MPDZ: variants seen among roughly 807,000 people sequenced by gnomAD.
The protein encoded by MPDZ is multiple PDZ domain protein.
MPDZ carries 234 observed loss-of-function variants against 239.1 expected under a neutral mutation model. The ratio of observed to expected loss-of-function variants is 0.98; its 90% CI spans 0.88 to 1.09. The LOEUF (loss-of-function observed/expected upper bound fraction) is 1.09, where lower values mean the gene tolerates loss of function less well. Ranked by LOEUF, MPDZ falls within the 50% of genes least tolerant of loss-of-function variation. MPDZ has a pLI of 0.00. For synonymous variants in MPDZ, 1,048 were observed against 881.3 expected, an observed-to-expected ratio of 1.19 and a Z score of -3.35; for missense variants, 3,175 against 2,510.0, an observed-to-expected ratio of 1.26 and a Z score of -5.66.
At position 13,113,073 on chromosome 9, in the gene MPDZ, T is replaced by A. The variant is rs1314933990; in HGVS notation, c.5558-19A>T. The A allele has an allele frequency of 1.3e-6, 2 of 1,551,348 alleles. No individual in the cohort carries two copies. Among genetic ancestry groups the A allele is most frequent in the Non-Finnish European group, 1.7e-6 (2 of 1,142,998 alleles). The stretch of plus-strand genomic sequence containing the variant: ...GATGCCACTGTAAAGGCAAAAAAGA[T>A]AAAATAGGGTTATTTTATGTTCATT... On this transcript the variant is annotated intron_variant, in intron 41 of 46. Coordinates refer to ENST00000319217, the MANE Select transcript of MPDZ (RefSeq NM_001378778.1).
chr9:13,211,809 T>G lies in MPDZ; in HGVS notation c.1290+4965A>C, dbSNP rs2135926209. Among the ~76,000 whole-genome samples, 4 of 152,232 alleles carry G rather than the reference T, an allele frequency of 2.6e-5. No individual in the cohort carries two copies. The East Asian group carries it at 7.7e-4, about 29-fold the overall frequency. The stretch of plus-strand genomic sequence containing the variant: ...TAGGCAAATATAATATGATGCTATT[T>G]AAGTATAAATACATAGAATTTTTCT... On this transcript the variant is annotated intron_variant, in intron 10 of 46. Coordinates refer to ENST00000319217, the MANE Select transcript of MPDZ (RefSeq NM_001378778.1).
chr9:13,124,984 T>A (rs16930137), intron 35 of MPDZ, among the ~76,000 whole-genome samples: 30,346 of 151,860 alleles, frequency 0.2, 3,481 homozygotes, highest in East Asian at 0.46. Flanking sequence ...AGTGGGTAGG[T>A]TTCCTAAGAT....
chr9:13,175,797 A>T lies in MPDZ; in HGVS notation c.3010T>A (p.Ser1004Thr), dbSNP rs201715080. The change falls in exon 21 of 47, where the codon TCT (serine) becomes ACT (threonine). Residue 1004 changes from serine (S) to threonine (T), a missense_variant. By Grantham distance (58) the Ser-to-Thr change is moderately conservative (BLOSUM62 1). Transcript: ENST00000319217. ...GCTATATTAATAGTCCTTTCAAAAG[A>T]TTCTTTAGATACATTTTGAAGCATG... is the stretch of plus-strand genomic sequence containing the variant. Reference protein sequence around the residue: ...CVMLQNVSKESFERTINIAKG... With the variant: ...CVMLQNVSKETFERTINIAKG... 3.8e-6 allele frequency: 6 copies of T among 1,577,360 alleles called. No homozygotes were observed. The highest frequency in any genetic ancestry group is 5.2e-6 in the Non-Finnish European group (6 of 1,160,222).
chr9:13,133,009 T>C (rs1166697719), intron 32 of MPDZ, among the ~76,000 whole-genome samples: 2 of 152,184 alleles, frequency 1.3e-5, no homozygotes, highest in Non-Finnish European at 2.9e-5. Flanking sequence ...TTAAAAATTA[T>C]CTAATTTTGG....
chr9:13,228,608 C>A (rs1244299930), intron 3 of MPDZ, among the ~76,000 whole-genome samples: 1 of 152,038 alleles, frequency 6.6e-6, no homozygotes, highest in African/African-American at 2.4e-5. Flanking sequence ...ATAGCATAAG[C>A]CCAAATACTT....
Position 13,126,695 on chromosome 9 carries a change from A to T in MPDZ, c.4542T>A (p.His1514Gln). 3 of 1,613,796 alleles carry T rather than the reference A, an allele frequency of 1.9e-6. No individual in the cohort carries two copies. Among genetic ancestry groups the T allele is most frequent in the African/African-American group, 1.3e-5 (1 of 75,048 alleles). ...TAAACCTCACCGTGGCTGCTACCCC[A>T]TGCTCTGTTAAGCTCTTTATGATGA... ...SGVIIKSLTE[H>Q]GVAATDGRLK... Residue 1514 changes from histidine to glutamine, a missense_variant, in exon 33 of 47, where the codon CAT becomes CAA. Transcript: ENST00000319217.
chr9:13,232,770 T>TA (rs1334738939), intron 3 of MPDZ, among the ~76,000 whole-genome samples: 1 of 144,714 alleles, frequency 6.9e-6, no homozygotes, highest in East Asian at 2.0e-4. Flanking sequence ...ATGGTTACAA[T>TA]ACAAATATCC....
intron 4 of MPDZ, 23 bp downstream of exon 4, chr9:13,224,351 C>T (rs1449119795): frequency 6.3e-7 from 1 of 1,575,132 alleles, no homozygotes; most frequent in African/African-American, 1.4e-5. Context: ...ATTACAATAA[C>T]TAACAGAAAG....
At chr9:13,215,753 G>T (rs1233774645) in intron 10 of MPDZ, among the ~76,000 whole-genome samples, 6 of 89,052 alleles carry the variant, frequency 6.7e-5, no homozygotes, top group East Asian at 4.0e-4. Context: ...TCTATTGCAG[G>T]TTTTTTTTTT....
At chr9:13,238,960 G>A (rs1308512579) in intron 3 of MPDZ, among the ~76,000 whole-genome samples, 1 of 152,034 alleles carries the variant, frequency 6.6e-6, no homozygotes, top group Non-Finnish European at 1.5e-5. Context: ...AAACACTTCT[G>A]AATTTTGATT....
rs200411759 is a variant in MPDZ at position 13,110,706 on chromosome 9, G to T, written c.5759C>A (p.Ser1920Tyr). 122 of 1,613,620 alleles carry T rather than the reference G, an allele frequency of 7.6e-5. No homozygotes were observed. The highest frequency in any genetic ancestry group is 1.6e-4 in the Middle Eastern group (1 of 6,062). Residue 1920 changes from serine to tyrosine, a missense_variant, in exon 44 of 47, where the codon TCC becomes TAC. By Grantham distance (144) the Ser-to-Tyr change is moderately radical. Transcript: ENST00000319217. Reference protein sequence around the residue: ...GDRIVTICGTSTEGMTHTQAV... With the variant: ...GDRIVTICGTYTEGMTHTQAV... ...TTGGGTGTGAGTCATGCCCTCAGTG[G>T]ATGTGCCACAGATGGTGACAATCCT...
In MPDZ at chr9:13,176,282, A is replaced by G. The variant is rs1471888965; in HGVS notation, c.2785T>C (p.Phe929Leu). The change falls in exon 20 of 47, where the codon TTT becomes CTT. Residue 929 changes from phenylalanine to leucine, a missense_variant. Physicochemically the swap from Phe to Leu is conservative, Grantham distance 22. Transcript: ENST00000319217. ...VDISMGPASG[F>L]TINDYTPANA... is the part of the protein sequence containing the mutation. The stretch of plus-strand genomic sequence containing the variant: ...GCAGGTGTGTAGTCATTTATAGTAA[A>G]GCCAGAAGCAGGCCCCATACTTATG... 2 of 1,610,270 alleles carry G rather than the reference A, an allele frequency of 1.2e-6. No homozygotes were observed. The highest frequency in any genetic ancestry group is 2.7e-5 in the African/African-American group (2 of 74,894).
chr9:13,151,153 C>A (rs1949119116), intron 24 of MPDZ, among the ~76,000 whole-genome samples: 2 of 152,038 alleles, frequency 1.3e-5, no homozygotes, highest in Admixed American at 1.3e-4. Context: ...CACACACACA[C>A]ACACACACAA....
intron 32 of MPDZ, among the ~76,000 whole-genome samples, chr9:13,127,392 C>T (rs182973957): frequency 1.3e-5 from 2 of 152,272 alleles, no homozygotes; most frequent in Non-Finnish European, 2.9e-5. Context: ...TACTTCGCTA[C>T]ATTTTCCACA....
chr9:13,148,779 C>T (rs1249443111), intron 25 of MPDZ, among the ~76,000 whole-genome samples: 2 of 151,958 alleles, frequency 1.3e-5, no homozygotes, highest in Non-Finnish European at 2.9e-5. Flanking sequence ...CAGAGACACG[C>T]TTTAGAATCC....
At chr9:13,114,052 T>C (rs753316006) in intron 40 of MPDZ, 31 bp from the exon 41 acceptor site, 1 of 1,525,720 alleles carries the variant, frequency 6.6e-7, no homozygotes, top group Non-Finnish European at 8.9e-7. Context: ...TTTCAGAAGG[T>C]TTTGCAAGTA....
chr9:13,236,247 G>GTATATATATATATATATATATATATATA (rs1362734880), intron 3 of MPDZ, among the ~76,000 whole-genome samples: 3 of 17,124 alleles, frequency 1.8e-4, no homozygotes, highest in Admixed American at 1.1e-3. Flanking sequence ...GTGTGTGTGT[G>GTATATATATATATATATATATATATATA]TGTATATATA....
chr9:13,186,310 C>A lies in MPDZ; in HGVS notation c.2441G>T (p.Gly814Val), dbSNP rs375956766. The A allele has an allele frequency of 4.4e-6, 7 of 1,595,564 alleles. No individual in the cohort carries two copies. In the South Asian group the frequency reaches 8.0e-5, roughly 18 times the overall value. ...LYPPHSCEEA[G>V]LADKPLFRAD... ...CCTGAAGAGGGGTTTGTCAGCCAGC[C>A]CTGCTTCCTCACAGGAGTGTGGTGG... Residue 814 changes from glycine to valine, a missense_variant, in exon 18 of 47, where the codon GGG becomes GTG. Coordinates refer to ENST00000319217, the MANE Select transcript of MPDZ (RefSeq NM_001378778.1).
In MPDZ at chr9:13,115,275, T is replaced by A; in HGVS notation, c.5439A>T (p.Ser1813=). Residue 1813 remains serine (S), a synonymous_variant, in exon 40 of 47, where the codon TCA becomes TCT. Coordinates refer to ENST00000319217, the MANE Select transcript of MPDZ (RefSeq NM_001378778.1). Reference sequence around the variant, plus strand: ...GGCTGCTTTGAGATGGCCTCCTCTCTGAATGGAATGGACCAGCTTTGATTC... The same window carrying A: ...GGCTGCTTTGAGATGGCCTCCTCTCAGAATGGAATGGACCAGCTTTGATTC... ...VGRIKAGPFH[S]ERRPSQSSQV... The A allele has an allele frequency of 6.2e-7, 1 of 1,612,738 alleles. No individual in the cohort carries two copies. Among genetic ancestry groups the A allele is most frequent in the Non-Finnish European group, 8.5e-7 (1 of 1,179,854 alleles).
Sources: allele counts gnomAD v4.1 joint callset (sites outside exome capture counted in the v4.1 genomes callset), GRCh38; gene constraint gnomAD v4.1.1; transcripts MANE v1.5; gene names NCBI Gene and HGNC (gene_info 2026-07-23, HGNC 2026-07-21).